MAGI2: variants seen among roughly 807,000 people sequenced by gnomAD.
The protein encoded by MAGI2 is membrane associated guanylate kinase, WW and PDZ domain containing 2, also known as membrane-associated guanylate kinase, WW and PDZ domain-containing protein 2.
Under a neutral mutation model 133.3 loss-of-function variants are expected in MAGI2, and 35 were observed. The observed-to-expected ratio is 0.26, with a 90% CI of 0.20 to 0.35. MAGI2 has a LOEUF of 0.35. Ranked by LOEUF, MAGI2 falls within the 10% of genes least tolerant of loss-of-function variation. The probability of loss-of-function intolerance (pLI) is 1.00; values close to 1 mark genes in which losing one functional copy is unlikely to be tolerated. For synonymous variants in MAGI2, 729 were observed against 710.6 expected (o/e 1.03, Z -0.41); for missense variants, 1,636 against 1,863.4 (o/e 0.88, Z 2.25).
At chr7:78,125,940 C>T (rs1584031180) in intron 19 of MAGI2, 103 bp from the exon 20 acceptor site, 1 of 1,150,670 alleles carries the variant, frequency 8.7e-7, no homozygotes, top group South Asian at 1.5e-5. Context: ...TTAATGTATT[C>T]CAAATGACAT....
At chr7:78,888,719 C>T (rs554630753) in intron 2 of MAGI2, among the ~76,000 whole-genome samples, 14 of 152,216 alleles carry the variant, frequency 9.2e-5, no homozygotes, top group Admixed American at 3.3e-4. Context: ...CACACCAAAA[C>T]CCCATCCATA....
intron 3 of MAGI2, among the ~76,000 whole-genome samples, chr7:78,569,157 C>T (rs907199493): frequency 6.6e-6 from 1 of 151,606 alleles, no homozygotes; most frequent in Non-Finnish European, 1.5e-5. Flanking sequence ...CGTCACTATT[C>T]CTTTGCTTTA....
chr7:78,681,684 A>T (rs532929851), intron 2 of MAGI2, among the ~76,000 whole-genome samples: 49 of 152,252 alleles, frequency 3.2e-4, no homozygotes, highest in African/African-American at 1.1e-3. Flanking sequence ...TGGGGAGAAG[A>T]TAACACTACA....
At chr7:79,059,465 G>C (rs1270272498) in intron 1 of MAGI2, among the ~76,000 whole-genome samples, 1 of 152,038 alleles carries the variant, frequency 6.6e-6, no homozygotes, top group Non-Finnish European at 1.5e-5. Context: ...CAATCTTAAT[G>C]TCTGTATAAT....
At chr7:79,350,314 CA>C in intron 1 of MAGI2, among the ~76,000 whole-genome samples, 1 of 152,244 alleles carries the variant, frequency 6.6e-6, no homozygotes, top group African/African-American at 2.4e-5. Context: ...GGTAATGATA[CA>C]ACAGTTTTTA....
intron 1 of MAGI2, among the ~76,000 whole-genome samples, chr7:79,247,976 C>T (rs1399533684): frequency 6.6e-6 from 1 of 151,884 alleles, no homozygotes; most frequent in Non-Finnish European, 1.5e-5. Flanking sequence ...CACAAAACAA[C>T]CAGGACACAA....
intron 1 of MAGI2, among the ~76,000 whole-genome samples, chr7:79,271,912 TTA>T (rs1187959144): frequency 2.0e-5 from 3 of 152,082 alleles, no homozygotes; most frequent in Non-Finnish European, 2.9e-5. Flanking sequence ...TCTGATTTAA[TTA>T]GTTTGAGATG....
chr7:78,879,152 C>A (rs1043912264), intron 2 of MAGI2, among the ~76,000 whole-genome samples: 4 of 152,102 alleles, frequency 2.6e-5, no homozygotes, highest in Non-Finnish European at 5.9e-5. Flanking sequence ...TAGTAGCCAC[C>A]CACTGGAGCC....
intron 1 of MAGI2, among the ~76,000 whole-genome samples, chr7:79,112,125 T>C (rs1184984295): frequency 6.6e-6 from 1 of 152,000 alleles, no homozygotes; most frequent in Non-Finnish European, 1.5e-5. Flanking sequence ...GTAACTATCA[T>C]TCTATAATTA....
chr7:78,321,395 C>T (rs1051652773), intron 9 of MAGI2, among the ~76,000 whole-genome samples: 2 of 152,156 alleles, frequency 1.3e-5, no homozygotes, highest in African/African-American at 4.8e-5. Flanking sequence ...GTAACCAAAA[C>T]AGCATGATAC....
chr7:78,048,563 C>T (rs1811672917), intron 21 of MAGI2, among the ~76,000 whole-genome samples: 1 of 151,986 alleles, frequency 6.6e-6, no homozygotes, highest in African/African-American at 2.4e-5. Flanking sequence ...TTCTCACTAC[C>T]CCCCTAAAAA....
At position 78,650,197 on chromosome 7, in the gene MAGI2, G is replaced by A. The variant is rs907225967; in HGVS notation, c.419-22958C>T. Among the ~76,000 whole-genome samples, 16 of 152,176 alleles carry A rather than the reference G, an allele frequency of 1.1e-4. No individual in the cohort carries two copies. In the East Asian group the frequency reaches 1.5e-3, roughly 15 times the overall value. Reference sequence around the variant, plus strand: ...CCGCAAGCACTGATACTACATGAGAGATCCTGGATACAGCCACAAAGAAAG... The same window carrying A: ...CCGCAAGCACTGATACTACATGAGAAATCCTGGATACAGCCACAAAGAAAG... On this transcript the variant is annotated intron_variant, in intron 2 of 21. Transcript: ENST00000354212.
At chr7:78,999,450 ACT>A (rs1170504921) in intron 2 of MAGI2, among the ~76,000 whole-genome samples, 1 of 152,098 alleles carries the variant, frequency 6.6e-6, no homozygotes, top group Non-Finnish European at 1.5e-5. Flanking sequence ...TCTGTAGAGC[ACT>A]CTGTCAACCA....
Position 78,555,250 on chromosome 7 carries a change from G to T in MAGI2, c.539-33605C>A, listed in dbSNP as rs575461984. Among the ~76,000 whole-genome samples, 211 of 145,828 alleles carry T rather than the reference G, an allele frequency of 1.4e-3. 2 individuals are homozygous for T. The highest frequency in any genetic ancestry group is 4.9e-3 in the African/African-American group (199 of 40,458). On this transcript the variant is annotated intron_variant, in intron 3 of 21. Coordinates refer to ENST00000354212, the MANE Select transcript of MAGI2 (RefSeq NM_012301.4). ...GATAGATAGATAGATAGATAGATAG[G>T]TTTAACTACTTCTTGGGACTTTGTT...
chr7:78,557,733 G>A (rs1488154902), intron 3 of MAGI2, among the ~76,000 whole-genome samples: 1 of 152,086 alleles, frequency 6.6e-6, no homozygotes, highest in Non-Finnish European at 1.5e-5. Flanking sequence ...AGCCCTCCAA[G>A]GAACAAGCAG....
chr7:78,963,301 A>G (rs551585837), intron 2 of MAGI2, among the ~76,000 whole-genome samples: 1 of 152,152 alleles, frequency 6.6e-6, no homozygotes, highest in African/African-American at 2.4e-5. Flanking sequence ...CCCTCCAACA[A>G]CTTAATATAG....
At chr7:78,919,425 G>A (rs945848263) in intron 2 of MAGI2, among the ~76,000 whole-genome samples, 1 of 152,018 alleles carries the variant, frequency 6.6e-6, no homozygotes, top group African/African-American at 2.4e-5. Context: ...GATGTTATGT[G>A]CATACAATGC....
chr7:78,832,777 G>T (rs1299277148), intron 2 of MAGI2, among the ~76,000 whole-genome samples: 1 of 152,174 alleles, frequency 6.6e-6, no homozygotes, highest in Non-Finnish European at 1.5e-5. Context: ...AGGTTGGACT[G>T]CCAGAACGAG....
intron 1 of MAGI2, among the ~76,000 whole-genome samples, chr7:79,172,638 T>C (rs1825727687): frequency 6.6e-6 from 1 of 152,060 alleles, no homozygotes; most frequent in Admixed American, 6.6e-5. Context: ...ATTCAGTAAA[T>C]TTAAATAAAT....
Sources: allele counts gnomAD v4.1 joint callset (sites outside exome capture counted in the v4.1 genomes callset), GRCh38; gene constraint gnomAD v4.1.1; transcripts MANE v1.5; gene names NCBI Gene and HGNC (gene_info 2026-07-23, HGNC 2026-07-21).